The following ADAMTS17 variants were observed in gnomAD, a reference collection of about 807,000 sequenced individuals.
ADAMTS17 encodes the protein A disintegrin and metalloproteinase with thrombospondin motifs 17.
In ADAMTS17, 113 loss-of-function variants were observed where a neutral mutation model predicts 141.5. The ratio of observed to expected loss-of-function variants is 0.80; its 90% CI spans 0.69 to 0.93. The LOEUF (loss-of-function observed/expected upper bound fraction) is 0.93. Ranked by LOEUF, ADAMTS17 falls within the 40% of genes least tolerant of loss-of-function variation. The probability of loss-of-function intolerance (pLI) is 0.00; values close to 1 mark genes in which losing one functional copy is unlikely to be tolerated. For missense variants in ADAMTS17, 1,659 were observed against 1,517.9 expected (o/e 1.09, Z -1.54); for synonymous variants, 768 against 630.6 (o/e 1.22, Z -3.27).
rs542504919 is a variant in ADAMTS17, at chr15:100,089,424, C to T, written c.2137+6932G>A. Among the ~76,000 whole-genome samples the T allele has an allele frequency of 3.5e-3, 525 of 149,956 alleles. 5 individuals carry two copies. Among genetic ancestry groups the T allele is most frequent in the Non-Finnish European group, 5.2e-3 (354 of 67,822 alleles). The stretch of plus-strand genomic sequence containing the variant: ...TCAACCATTGTGGAAGACAGTGTGG[C>T]GATTCCTCAGGGATCTAGAACTAGA... On this transcript the variant is annotated intron_variant, in intron 15 of 21. Coordinates refer to ENST00000268070, the MANE Select transcript of ADAMTS17 (RefSeq NM_139057.4).
chr15:100,239,801 A>C (rs1308541934), intron 7 of ADAMTS17, among the ~76,000 whole-genome samples: 1 of 152,256 alleles, frequency 6.6e-6, no homozygotes, highest in Middle Eastern at 3.4e-3. Context: ...TTTGACGAAG[A>C]AGTCAGGTGG....
intron 8 of ADAMTS17, among the ~76,000 whole-genome samples, chr15:100,167,450 C>T (rs888972662): frequency 1.1e-4 from 17 of 152,126 alleles, no homozygotes; most frequent in African/African-American, 3.6e-4. Flanking sequence ...TGCCGTCATC[C>T]GTGAAAACCC....
chr15:100,164,893 G>C (rs957006083), intron 8 of ADAMTS17, among the ~76,000 whole-genome samples: 2 of 152,166 alleles, frequency 1.3e-5, no homozygotes, highest in Non-Finnish European at 2.9e-5. Context: ...ATGCCCTCAG[G>C]ACACCTCTGA....
intron 15 of ADAMTS17, among the ~76,000 whole-genome samples, chr15:100,078,593 T>A (rs2034533395): frequency 6.6e-6 from 1 of 152,168 alleles, no homozygotes; most frequent in East Asian, 1.9e-4. Flanking sequence ...GATGTAAATA[T>A]CAGAGCTAAA....
intron 8 of ADAMTS17, among the ~76,000 whole-genome samples, chr15:100,173,543 C>T (rs748829669): frequency 1.3e-5 from 2 of 152,186 alleles, no homozygotes; most frequent in Non-Finnish European, 2.9e-5. Context: ...ACTTTCTGCT[C>T]CAAAAGGGAA....
chr15:100,287,253 G>T (rs113517981), intron 3 of ADAMTS17, among the ~76,000 whole-genome samples: 1 of 152,220 alleles, frequency 6.6e-6, no homozygotes, highest in African/African-American at 2.4e-5. Flanking sequence ...TAATGCAATC[G>T]CAAGTACTAA....
At chr15:99,977,391 TATATATATAA>T (rs1391143935) in intron 20 of ADAMTS17, among the ~76,000 whole-genome samples, 264 of 10,426 alleles carry the variant, frequency 0.025, 28 homozygotes, top group African/African-American at 0.044. Flanking sequence ...TATATATATA[TATATATATAA>T]TTTTTTTTTT....
intron 7 of ADAMTS17, among the ~76,000 whole-genome samples, chr15:100,235,679 CG>C (rs2042632995): frequency 6.6e-6 from 1 of 152,180 alleles, no homozygotes; most frequent in South Asian, 2.1e-4. Flanking sequence ...CCATTCGCTT[CG>C]GGGAGCTCTC....
intron 4 of ADAMTS17, among the ~76,000 whole-genome samples, chr15:100,265,039 T>C (rs2043661846): frequency 6.6e-6 from 1 of 152,220 alleles, no homozygotes; most frequent in African/African-American, 2.4e-5. Context: ...TAATGTTCTC[T>C]AGCAAGCCTT....
chr15:100,095,121 C>T (rs908645150), intron 15 of ADAMTS17, among the ~76,000 whole-genome samples: 2 of 152,176 alleles, frequency 1.3e-5, no homozygotes, highest in South Asian at 2.1e-4. Flanking sequence ...AGTGTAGCTA[C>T]GGAGGCCACT....
intron 3 of ADAMTS17, among the ~76,000 whole-genome samples, chr15:100,326,606 T>C (rs1243093906): frequency 6.6e-6 from 1 of 152,178 alleles, no homozygotes; most frequent in Admixed American, 6.5e-5. Flanking sequence ...TTTTACCAAG[T>C]GTGTGATGGC....
At chr15:100,143,419 T>C (rs1389557492) in intron 10 of ADAMTS17, among the ~76,000 whole-genome samples, 1 of 147,006 alleles carries the variant, frequency 6.8e-6, no homozygotes, top group Non-Finnish European at 1.5e-5. Context: ...AAAAGACTGA[T>C]TGGGCTAATT....
chr15:100,155,436 C>A (rs889130451), intron 8 of ADAMTS17, 116 bp from the exon 9 acceptor site: 1 of 1,437,882 alleles, frequency 7.0e-7, no homozygotes, highest in South Asian at 1.2e-5. Context: ...ACGGACGTAA[C>A]GTGAAAGTGG....
intron 18 of ADAMTS17, among the ~76,000 whole-genome samples, chr15:100,000,544 G>A (rs139116576): frequency 0.022 from 3,276 of 152,128 alleles, 52 homozygotes; most frequent in Non-Finnish European, 0.03. Flanking sequence ...ATGGAGTTTC[G>A]CTCTTGTCAC....
Position 100,234,296 on chromosome 15 carries a change from G to A in ADAMTS17, c.1075+19840C>T, listed in dbSNP as rs769322141. 6.6e-5 allele frequency among the ~76,000 whole-genome samples: 10 copies of A among 152,166 alleles called. 1 individual carries two copies. The highest frequency in any genetic ancestry group is 2.0e-4 in the Admixed American group (3 of 15,282). ...AAAACTCGCAGCCACCGTTTTCCACGAGGCAGACAGGCACTGTGCCAAATG... is the reference window on the plus strand; with the variant it reads ...AAAACTCGCAGCCACCGTTTTCCACAAGGCAGACAGGCACTGTGCCAAATG... On this transcript the variant is annotated intron_variant, in intron 7 of 21. Coordinates refer to ENST00000268070, the MANE Select transcript of ADAMTS17 (RefSeq NM_139057.4).
intron 3 of ADAMTS17, among the ~76,000 whole-genome samples, chr15:100,328,598 T>C (rs2045960688): frequency 2.0e-5 from 3 of 152,196 alleles, no homozygotes; most frequent in African/African-American, 7.2e-5. Context: ...GCTCTTGTTT[T>C]AACTTGTTCC....
chr15:100,233,482 A>G (rs1172688668), intron 7 of ADAMTS17, among the ~76,000 whole-genome samples: 1 of 152,212 alleles, frequency 6.6e-6, no homozygotes, highest in Non-Finnish European at 1.5e-5. Context: ...TACAGGGCAG[A>G]TGGGCAAGTT....
intron 18 of ADAMTS17, among the ~76,000 whole-genome samples, chr15:100,027,658 A>T (rs932254991): frequency 6.6e-6 from 1 of 152,242 alleles, no homozygotes; most frequent in Admixed American, 6.5e-5. Context: ...AAAATATTTA[A>T]TATCTGTCTT....
At chr15:100,140,020 G>A (rs1596537653) in intron 10 of ADAMTS17, among the ~76,000 whole-genome samples, 1 of 151,786 alleles carries the variant, frequency 6.6e-6, no homozygotes, top group Non-Finnish European at 1.5e-5. Context: ...TTTTGAGATC[G>A]AGCCTCACTC....
Sources: gnomAD v4.1 joint callset for allele counts (sites outside exome capture counted in the v4.1 genomes callset) on GRCh38, gnomAD v4.1.1 for gene constraint, MANE v1.5 for transcripts, NCBI Gene and HGNC (gene_info 2026-07-23, HGNC 2026-07-21) for gene names.